The following SPDYE10 variants were observed in gnomAD, a reference collection of about 807,000 sequenced individuals.
The protein encoded by SPDYE10 is speedy/RINGO cell cycle regulator family member E10, also known as speedy protein E10.
the SPDYE10 span, among the ~76,000 whole-genome samples, chr7:73,115,162 C>T: frequency 1.3e-5 from 2 of 152,008 alleles, no homozygotes; most frequent in Non-Finnish European, 1.5e-5. Context: ...TCCTAAAGTG[C>T]TGGGATTACA....
At chr7:73,115,299 C>T in the SPDYE10 span, among the ~76,000 whole-genome samples, 4 of 152,134 alleles carry the variant, frequency 2.6e-5, no homozygotes, top group Non-Finnish European at 4.4e-5. Context: ...AAACATTTTC[C>T]GTCCCAAGTC....
chr7:73,134,541 G>GAAAGAAAGAAAGAAAGAAAGAAAGA, the SPDYE10 span, among the ~76,000 whole-genome samples: 2 of 151,444 alleles, frequency 1.3e-5, no homozygotes, highest in African/African-American at 2.4e-5. Flanking sequence ...GAAAGAAAAA[G>GAAAGAAAGAAAGAAAGAAAGAAAGA]AAAGAAAGAA....
chr7:73,149,509 A>G, the SPDYE10 span, among the ~76,000 whole-genome samples: 3 of 147,904 alleles, frequency 2.0e-5, no homozygotes, highest in Non-Finnish European at 3.0e-5. Flanking sequence ...GGATGGTCTC[A>G]ATCTCCTAAC....
the SPDYE10 span, among the ~76,000 whole-genome samples, chr7:73,107,658 G>T: frequency 1.4e-5 from 1 of 71,228 alleles, no homozygotes; most frequent in African/African-American, 4.8e-5. Context: ...CTGATATTTT[G>T]CCAGGACCCT....
the SPDYE10 span, among the ~76,000 whole-genome samples, chr7:73,120,688 T>C: frequency 1.7e-5 from 2 of 121,188 alleles, no homozygotes; most frequent in Non-Finnish European, 3.3e-5. Context: ...TTCAGGAGGC[T>C]GAGGCAGGAG....
the SPDYE10 span, among the ~76,000 whole-genome samples, chr7:73,149,229 G>A: frequency 1.5e-5 from 2 of 136,874 alleles, no homozygotes; most frequent in African/African-American, 5.5e-5. Context: ...GGCTCCACCC[G>A]CCTTGGCCTC....
the SPDYE10 span, among the ~76,000 whole-genome samples, chr7:73,147,799 T>TTTTGTTTG: frequency 2.9e-4 from 42 of 142,720 alleles, 3 homozygotes; most frequent in African/African-American, 8.5e-4. Context: ...CTGGCCTGTT[T>TTTTGTTTG]TTTGTTTGTT....
the SPDYE10 span, among the ~76,000 whole-genome samples, chr7:73,113,840 C>G: frequency 2.0e-5 from 3 of 152,018 alleles, no homozygotes; most frequent in South Asian, 2.1e-4. Flanking sequence ...TCGAGACCAT[C>G]CTGGCTAACA....
chr7:73,135,167 G>A, the SPDYE10 span, among the ~76,000 whole-genome samples: 10 of 152,230 alleles, frequency 6.6e-5, no homozygotes, highest in Non-Finnish European at 1.0e-4. Flanking sequence ...CTGGGTCCAC[G>A]TGCACCTTTC....
chr7:73,137,891 GA>G, the SPDYE10 span, among the ~76,000 whole-genome samples: 1 of 119,188 alleles, frequency 8.4e-6, no homozygotes, highest in Non-Finnish European at 1.8e-5. Flanking sequence ...AGGGGAAGGA[GA>G]GGGGAAGGGG....
chr7:73,124,921 C>CTAAATAAATAAA, the SPDYE10 span, among the ~76,000 whole-genome samples: 1 of 141,030 alleles, frequency 7.1e-6, no homozygotes, highest in African/African-American at 2.8e-5. Context: ...AAGACTCTGT[C>CTAAATAAATAAA]TAAATAAATA....
the SPDYE10 span, among the ~76,000 whole-genome samples, chr7:73,123,569 C>T: frequency 6.6e-6 from 1 of 152,206 alleles, no homozygotes; most frequent in African/African-American, 2.4e-5. Flanking sequence ...CAGATTCAAG[C>T]AATTCTCCTG....
chr7:73,127,611 G>A, the SPDYE10 span, among the ~76,000 whole-genome samples: 1 of 97,076 alleles, frequency 1.0e-5, no homozygotes, highest in East Asian at 2.6e-4. Context: ...GGAAGGGGAA[G>A]GGGAAGGGAA....
chr7:73,123,788 C>CTCTCTCTCTCTCTCTCTCT, the SPDYE10 span, among the ~76,000 whole-genome samples: 13 of 97,460 alleles, frequency 1.3e-4, no homozygotes, highest in Admixed American at 5.1e-4. Flanking sequence ...TCTCTCTCTC[C>CTCTCTCTCTCTCTCTCTCT]CTCTCTCTCT....
the SPDYE10 span, among the ~76,000 whole-genome samples, chr7:73,139,655 T>C: frequency 1.3e-5 from 2 of 151,326 alleles, no homozygotes; most frequent in African/African-American, 4.9e-5. Flanking sequence ...GTTTGTTTTT[T>C]GTGTTTTTTT....
At chr7:73,123,083 C>A in the SPDYE10 span, among the ~76,000 whole-genome samples, 1 of 151,434 alleles carries the variant, frequency 6.6e-6, no homozygotes, top group East Asian at 1.9e-4. Context: ...GCTCTGCTAT[C>A]GGGCAGATGG....
At chr7:73,143,282 T>C in the SPDYE10 span, among the ~76,000 whole-genome samples, 4 of 152,038 alleles carry the variant, frequency 2.6e-5, no homozygotes, top group Non-Finnish European at 5.9e-5. Context: ...AAGAGGTGTA[T>C]TTGGCTCGTG....
At chr7:73,152,392 T>TA in the SPDYE10 span, among the ~76,000 whole-genome samples, 1 of 142,086 alleles carries the variant, frequency 7.0e-6, no homozygotes, top group Admixed American at 7.0e-5. Flanking sequence ...TCCAACATTT[T>TA]TTTTTTTTTG....
the SPDYE10 span, among the ~76,000 whole-genome samples, chr7:73,123,788 C>CCTCTCCCTCTCT: frequency 1.0e-5 from 1 of 97,454 alleles, no homozygotes; most frequent in Admixed American, 1.3e-4. Context: ...TCTCTCTCTC[C>CCTCTCCCTCTCT]CTCTCTCTCT....
Sources: gnomAD v4.1 joint callset for allele counts (sites outside exome capture counted in the v4.1 genomes callset) on GRCh38, gnomAD v4.1.1 for gene constraint, MANE v1.5 for transcripts, NCBI Gene and HGNC (gene_info 2026-07-23, HGNC 2026-07-21) for gene names.